WDR35: variants seen among roughly 807,000 people sequenced by gnomAD.
WDR35 encodes WD repeat domain 35, also known as WD repeat-containing protein 35.
A neutral mutation model predicts 158.3 loss-of-function variants in WDR35; 118 were observed. That is an observed-to-expected ratio of 0.75 (90% confidence interval 0.64 to 0.87). The LOEUF is 0.87. Among genes scored for constraint, WDR35 ranks in the 40% least tolerant of loss-of-function variants. WDR35 has a pLI of 0.00. For missense variants in WDR35, 1,263 were observed against 1,405.8 expected (o/e 0.90, Z 1.62); for synonymous variants, 448 against 476.1 (o/e 0.94, Z 0.77).
Position 19,980,719 on chromosome 2 carries a change from C to T in WDR35, c.279G>A (p.Gly93=), listed in dbSNP as rs1390194481. ...TATATAACATCCACACAATGATAAG[C>T]CCGTTTTCATCACTGGTAGTCAACT... The part of the protein sequence containing the change: ...YQKLTTSDEN[G]LIIVWMLYKG... Residue 93 remains glycine, a synonymous_variant, in exon 4 of 27, where the codon GGG becomes GGA. Transcript: ENST00000281405. 2 of 1,613,656 alleles carry T rather than the reference C, an allele frequency of 1.2e-6. No homozygotes were observed. Among genetic ancestry groups the T allele is most frequent in the Non-Finnish European group, 8.5e-7 (1 of 1,179,728 alleles).
chr2:19,916,278 G>A (rs6716854), intron 25 of WDR35, among the ~76,000 whole-genome samples: 30,882 of 152,164 alleles, frequency 0.2, 3,429 homozygotes, highest in East Asian at 0.4. Flanking sequence ...CCACGCCACC[G>A]GGGCCCTGGG....
At position 19,931,394 on chromosome 2, in the gene WDR35, C is replaced by G; in HGVS notation, c.2839G>C (p.Ala947Pro). The G allele has an allele frequency of 6.2e-7, 1 of 1,613,200 alleles. No individual in the cohort carries two copies. Among genetic ancestry groups the G allele is most frequent in the Non-Finnish European group, 8.5e-7 (1 of 1,179,622 alleles). The change falls in exon 24 of 27, where the codon GCA (alanine) becomes CCA (proline). Residue 947 changes from alanine (A) to proline (P), a missense_variant. By Grantham distance (27) the Ala-to-Pro change is conservative. Coordinates refer to ENST00000281405, the MANE Select transcript of WDR35 (RefSeq NM_020779.4). ...CGTAAAGGTTTACTTCCTTTCTTTG[C>G]CTCTTCATCTGCAATCTTAAACATT... is the stretch of plus-strand genomic sequence containing the variant. ...KLMFKIADEEAKKGSKPLRVK... is the reference protein window; with the variant it reads ...KLMFKIADEEPKKGSKPLRVK...
chr2:19,978,776 C>A lies in WDR35; in HGVS notation c.411G>T (p.Gly137=). 6.2e-7 allele frequency: 1 copy of A among 1,613,838 alleles called. No homozygotes were observed. The highest frequency in any genetic ancestry group is 1.7e-4 in the Middle Eastern group (1 of 6,060). The change falls in exon 5 of 27, where the codon GGG becomes GGT. Residue 137 remains glycine, a synonymous_variant. Transcript: ENST00000281405. The part of the protein sequence containing the change: ...GQKICIVYED[G]AVIVGSVDGN... The stretch of plus-strand genomic sequence containing the variant: ...CATCCACTGAACCAACTATCACAGC[C>A]CCATCTTCATATACAATGCAGATCT...
intron 2 of WDR35, among the ~76,000 whole-genome samples, chr2:19,987,731 G>A (rs1288259276): frequency 1.3e-5 from 2 of 150,674 alleles, no homozygotes; most frequent in Non-Finnish European, 1.5e-5. Flanking sequence ...GGCTGAGGTA[G>A]GAGAATGGCA....
intron 1 of WDR35, 147 bp downstream of exon 1, chr2:19,989,845 G>A: frequency 7.4e-7 from 1 of 1,342,960 alleles, no homozygotes. Context: ...AGAGGTCGGA[G>A]GCTGGACCCG....
Position 19,937,746 on chromosome 2 carries a change from C to G in WDR35, c.2264G>C (p.Arg755Thr), listed in dbSNP as rs151208675. 16 of 1,614,018 alleles carry G rather than the reference C, an allele frequency of 9.9e-6. No homozygotes were observed. In the African/African-American group the frequency reaches 2.1e-4, roughly 22 times the overall value. ...EAERTYLEMD[R>T]RDLAIGLRLK... ...TGCCTGCGCCTTCATAACTTACCTT[C>G]TGTCCATCTCGAGATACGTTCTTTC... The change falls in exon 19 of 27, where the codon AGA becomes ACA. Residue 755 changes from arginine to threonine, a missense_variant. Coordinates refer to ENST00000281405, the MANE Select transcript of WDR35 (RefSeq NM_020779.4).
At chr2:19,955,908 T>G (rs1417844690) in intron 11 of WDR35, among the ~76,000 whole-genome samples, 1 of 127,580 alleles carries the variant, frequency 7.8e-6, no homozygotes, top group African/African-American at 2.5e-5. Context: ...AACTGAGTAA[T>G]TTTTTTTTTA....
rs1457393330 is a variant in WDR35 at position 19,935,059 on chromosome 2, T to C, written c.2547+412A>G. ...TTCTCTTTTAACTTGAAATACTTTA[T>C]TGTTAATATAACATAATAAAAGTTG... On this transcript the variant is annotated intron_variant, in intron 21 of 26. Transcript: ENST00000281405. The C allele has an allele frequency of 1.9e-5, 3 of 153,998 alleles. No individual in the cohort carries two copies. The East Asian group carries it at 5.7e-4, about 29-fold the overall frequency. The allele number at this position is 153,998 out of a possible 1,614,324, so 9.5% of individuals were successfully genotyped here. A position where few individuals can be genotyped will look rare whatever the true frequency, so the allele number is the denominator to read the frequency against.
At chr2:19,925,143 C>T (rs969277491) in intron 25 of WDR35, among the ~76,000 whole-genome samples, 1 of 152,188 alleles carries the variant, frequency 6.6e-6, no homozygotes, top group Non-Finnish European at 1.5e-5. Flanking sequence ...GCCTGGGGAA[C>T]CCCCGCAAAG....
rs1671865726 is a variant in WDR35 at position 19,966,739 on chromosome 2, A to C, written c.1179T>G (p.Asp393Glu). 6.2e-7 allele frequency: 1 copy of C among 1,613,918 alleles called. No homozygotes were observed. The highest frequency in any genetic ancestry group is 8.5e-7 in the Non-Finnish European group (1 of 1,179,916). The change falls in exon 10 of 27, where the codon GAT (aspartate) becomes GAG (glutamate). Residue 393 changes from aspartate (D) to glutamate (E), a missense_variant. Asp to Glu is a conservative substitution (Grantham distance 45). Coordinates refer to ENST00000281405, the MANE Select transcript of WDR35 (RefSeq NM_020779.4). ...AAACACCTACCTGAGGATGATTTTC[A>C]TCAGCTTTTGTAGCCAAAATGCAGA... is the stretch of plus-strand genomic sequence containing the variant. The part of the protein sequence containing the change: ...GDFCILATKA[D>E]ENHPQFVLVL...
intron 21 of WDR35, among the ~76,000 whole-genome samples, chr2:19,933,958 C>A (rs1485709393): frequency 2.0e-5 from 3 of 151,892 alleles, no homozygotes; most frequent in Non-Finnish European, 2.9e-5. Context: ...AGAAGTCTGC[C>A]ATTAATCAGT....
At chr2:19,924,428 G>C (rs951880061) in intron 25 of WDR35, among the ~76,000 whole-genome samples, 1 of 152,126 alleles carries the variant, frequency 6.6e-6, no homozygotes, top group South Asian at 2.1e-4. Flanking sequence ...GCCGGGTGTG[G>C]TGGCGGGCGC....
At chr2:19,946,123 G>T in intron 15 of WDR35, 127 bp from the exon 16 acceptor site, 1 of 1,036,882 alleles carries the variant, frequency 9.6e-7, no homozygotes, top group Non-Finnish European at 1.4e-6. Context: ...CAGTAGAAAT[G>T]GCTTAAAATT....
At chr2:19,964,461 G>A (rs1219577601) in intron 10 of WDR35, among the ~76,000 whole-genome samples, 4 of 138,936 alleles carry the variant, frequency 2.9e-5, no homozygotes, top group East Asian at 2.2e-4. Context: ...TCGGCCCACC[G>A]CAACCTCCGC....
At chr2:19,961,524 G>T (rs146745164) in intron 10 of WDR35, among the ~76,000 whole-genome samples, 2 of 152,254 alleles carry the variant, frequency 1.3e-5, no homozygotes, top group Non-Finnish European at 1.5e-5. Context: ...TTTCAAACAG[G>T]TGGTATCAAG....
intron 10 of WDR35, among the ~76,000 whole-genome samples, chr2:19,961,527 G>A (rs754237468): frequency 2.0e-5 from 3 of 152,174 alleles, no homozygotes; most frequent in Admixed American, 1.3e-4. Flanking sequence ...CAAACAGGTG[G>A]TATCAAGAAC....
intron 12 of WDR35, among the ~76,000 whole-genome samples, chr2:19,952,232 A>T (rs1325040548): frequency 6.6e-6 from 1 of 152,118 alleles, no homozygotes; most frequent in African/African-American, 2.4e-5. Context: ...TGTACACATT[A>T]TTTAGCTTCC....
At chr2:19,919,121 C>G (rs1297447899) in intron 25 of WDR35, among the ~76,000 whole-genome samples, 1 of 152,178 alleles carries the variant, frequency 6.6e-6, no homozygotes, top group Non-Finnish European at 1.5e-5. Flanking sequence ...TGGCTCACGC[C>G]TGTAATTCCA....
intron 5 of WDR35, among the ~76,000 whole-genome samples, chr2:19,977,277 C>T (rs2103459050): frequency 6.6e-6 from 1 of 152,354 alleles, no homozygotes; most frequent in Middle Eastern, 3.4e-3. Flanking sequence ...GTATGTCTAA[C>T]TATGGTCTGG....
Sources: allele counts gnomAD v4.1 joint callset (sites outside exome capture counted in the v4.1 genomes callset), GRCh38; gene constraint gnomAD v4.1.1; transcripts MANE v1.5; gene names NCBI Gene and HGNC (gene_info 2026-07-23, HGNC 2026-07-21).